MTR: variants seen among roughly 807,000 people sequenced by gnomAD.
MTR encodes 5-methyltetrahydrofolate-homocysteine methyltransferase.
MTR carries 84 observed loss-of-function variants against 154.8 expected under a neutral mutation model. The ratio of observed to expected loss-of-function variants is 0.54; its 90% CI spans 0.45 to 0.65. The LOEUF is 0.65. MTR is among the 30% of genes least tolerant of loss of function. The pLI, the probability that MTR is intolerant of heterozygous loss-of-function variation, is 0.00. For missense variants in MTR, 1,275 were observed against 1,570.2 expected (o/e 0.81, Z 3.18); for synonymous variants, 554 against 553.9 (o/e 1.00, Z 0.00).
At chr1:236,895,229 C>T (rs1329457424) in intron 30 of MTR, 129 bp from the exon 31 acceptor site, 15 of 1,048,060 alleles carry the variant, frequency 1.4e-5, no homozygotes, top group Non-Finnish European at 2.0e-5. Context: ...TTCCTCTTGT[C>T]AAATTTCCCC....
rs578204805 is a variant in MTR at position 236,820,439 on chromosome 1, T to C, written c.765-3680T>C. Reference sequence around the variant, plus strand: ...AGTTTCCAGCTGAAGACTGGAGCACTCAGCCTGCCACGGAAGACTGGTCTG... The same window carrying C: ...AGTTTCCAGCTGAAGACTGGAGCACCCAGCCTGCCACGGAAGACTGGTCTG... On this transcript the variant is annotated intron_variant, in intron 8 of 32. Transcript: ENST00000366577. 47 of 1,382,414 alleles carry C rather than the reference T, an allele frequency of 3.4e-5. 1 individual carries two copies. The South Asian group carries it at 4.9e-4, about 14-fold the overall frequency. 85.6% of individuals were successfully genotyped at this position (1,382,414 alleles called of 1,614,324 possible). A position where few individuals can be genotyped will look rare whatever the true frequency, so the allele number is the denominator to read the frequency against.
chr1:236,827,493 A>G (rs1360381367), intron 11 of MTR, among the ~76,000 whole-genome samples: 1 of 152,236 alleles, frequency 6.6e-6, no homozygotes, highest in Non-Finnish European at 1.5e-5. Context: ...TATGTAAAGT[A>G]AATCCCAGAT....
At chr1:236,873,886 C>T in intron 23 of MTR, 46 bp downstream of exon 23, 1 of 1,552,822 alleles carries the variant, frequency 6.4e-7, no homozygotes, top group Non-Finnish European at 8.9e-7. Context: ...TGTCATATCC[C>T]CAGGTGTCTG....
chr1:236,812,948 TTACC>T, intron 6 of MTR, 104 bp downstream of exon 6: 2 of 890,236 alleles, frequency 2.2e-6, no homozygotes, highest in Non-Finnish European at 3.7e-6. Flanking sequence ...GTTAAATAAA[TTACC>T]TGTATTTGCT....
chr1:236,858,939 C>A (rs1265418972), intron 18 of MTR, among the ~76,000 whole-genome samples: 2 of 152,184 alleles, frequency 1.3e-5, no homozygotes, highest in Admixed American at 1.3e-4. Flanking sequence ...CTTACGATAA[C>A]CATTCCTTCC....
chr1:236,804,841 T>C (rs1660888614), intron 2 of MTR, among the ~76,000 whole-genome samples: 1 of 152,170 alleles, frequency 6.6e-6, no homozygotes, highest in Admixed American at 6.5e-5. Flanking sequence ...TGAATATATA[T>C]ATGTAGAAAA....
Position 236,861,097 on chromosome 1 carries a change from C to CTTTTTTTTTTT in MTR, c.2044-22_2044-12dup, listed in dbSNP as rs397974349. On this transcript the variant is annotated intron_variant, in intron 19 of 32. Transcript: ENST00000366577. ...ATTTTTTTTTTCTTTCTTTCTTTTTCTTTTTTTTTTTTTTTTGTCTTTTTT... is the reference window on the plus strand; with the variant it reads ...ATTTTTTTTTTCTTTCTTTCTTTTTCTTTTTTTTTTTTTTTTTTTTTTTTTTTGTCTTTTTT... 3,532 of 1,156,908 alleles carry CTTTTTTTTTTT rather than the reference C, an allele frequency of 3.1e-3. 19 individuals carry two copies. Among genetic ancestry groups the CTTTTTTTTTTT allele is most frequent in the South Asian group, 0.011 (681 of 60,280 alleles). 71.7% of individuals were successfully genotyped at this position (1,156,908 alleles called of 1,614,324 possible).
chr1:236,826,978 C>CTGAA, intron 11 of MTR, 82 bp downstream of exon 11: 3 of 1,279,872 alleles, frequency 2.3e-6, no homozygotes, highest in Non-Finnish European at 2.3e-6. Context: ...TTGTTATGGG[C>CTGAA]TGAATTGTGT....
chr1:236,852,965 G>A lies in MTR; in HGVS notation c.1830G>A (p.Gly610=). Residue 610 remains glycine, a synonymous_variant, in exon 18 of 33, where the codon GGG becomes GGA. Coordinates refer to ENST00000366577, the MANE Select transcript of MTR (RefSeq NM_000254.3). ...GCCCTTAGTCTGGCATGGACATGGG[G>A]ATAGTGAATGCTGGAAACCTCCCTG... The part of the protein sequence containing the change: ...YHAIKSGMDM[G]IVNAGNLPVY... 1 of 1,614,004 alleles carries A rather than the reference G, an allele frequency of 6.2e-7. No homozygotes were observed. The highest frequency in any genetic ancestry group is 8.5e-7 in the Non-Finnish European group (1 of 1,179,926).
chr1:236,894,303 G>A (rs1022238191), intron 29 of MTR, 54 bp from the exon 30 acceptor site: 9 of 1,561,706 alleles, frequency 5.8e-6, no homozygotes, highest in African/African-American at 4.1e-5. Flanking sequence ...GTGTGCTGGC[G>A]CCACGTTCTT....
chr1:236,830,837 A>G (rs781250475), intron 12 of MTR, among the ~76,000 whole-genome samples: 24 of 152,172 alleles, frequency 1.6e-4, no homozygotes, highest in Non-Finnish European at 2.4e-4. Flanking sequence ...GATAATCTCT[A>G]TCAGTGCACC....
chr1:236,809,240 A>G (rs1177102855), intron 4 of MTR, among the ~76,000 whole-genome samples: 2 of 152,176 alleles, frequency 1.3e-5, no homozygotes, highest in Non-Finnish European at 2.9e-5. Flanking sequence ...TTCCCTTTAT[A>G]CTATTGATGT....
Position 236,897,754 on chromosome 1 carries a change from T to C in MTR, c.*110T>C. On this transcript the variant is annotated 3_prime_UTR_variant, in exon 33 of 33. Transcript: ENST00000366577. ...AAACCTGTGTGCATCTGGCTGACAC[T>C]TACCTGCTTCTGGTTTTCGAAGACT... 1 of 966,492 alleles carries C rather than the reference T, an allele frequency of 1.0e-6. No individual in the cohort carries two copies. Among genetic ancestry groups the C allele is most frequent in the South Asian group, 1.4e-5 (1 of 73,214 alleles). 59.9% of individuals were successfully genotyped at this position (966,492 alleles called of 1,614,324 possible). A position where few individuals can be genotyped will look rare whatever the true frequency, so the allele number is the denominator to read the frequency against.
intron 5 of MTR, among the ~76,000 whole-genome samples, chr1:236,812,074 G>A (rs1661338644): frequency 6.6e-6 from 1 of 152,194 alleles, no homozygotes; most frequent in Non-Finnish European, 1.5e-5. Context: ...GTAGAGTTGG[G>A]GTTTCACCAT....
At position 236,871,665 on chromosome 1, in the gene MTR, G is replaced by GA. The variant is rs939292256; in HGVS notation, c.2406-2099dup. ...TAGACTTTCTTCAATATGTTAAAAA[G>GA]AAAAAAAAAGCATGTGGTACCATCT... On this transcript the variant is annotated intron_variant, in intron 22 of 32. Coordinates refer to ENST00000366577, the MANE Select transcript of MTR (RefSeq NM_000254.3). Among the ~76,000 whole-genome samples, 6 of 150,404 alleles carry GA rather than the reference G, an allele frequency of 4.0e-5. No homozygotes were observed. The South Asian group carries it at 1.1e-3, about 26-fold the overall frequency.
rs753262198 is a variant in MTR, at chr1:236,891,156, G to T, written c.3031G>T (p.Asp1011Tyr). Residue 1011 changes from aspartate (D) to tyrosine (Y), a missense_variant, in exon 29 of 33, where the codon GAT becomes TAT. Asp to Tyr is a radical substitution (Grantham distance 160). Transcript: ENST00000366577. ...TVGGEARKVY[D>Y]DAHNMLNTLI... Reference sequence around the variant, plus strand: ...AGGTGGAGAGGCCAGGAAGGTCTACGATGATGCCCACAATATGCTGAACAC... The same window carrying T: ...AGGTGGAGAGGCCAGGAAGGTCTACTATGATGCCCACAATATGCTGAACAC... The T allele has an allele frequency of 6.2e-7, 1 of 1,614,160 alleles. No homozygotes were observed. The highest frequency in any genetic ancestry group is 1.1e-5 in the South Asian group (1 of 91,074).
chr1:236,889,036 G>A, intron 27 of MTR, 145 bp from the exon 28 acceptor site: 1 of 963,096 alleles, frequency 1.0e-6, no homozygotes, highest in Non-Finnish European at 1.7e-6. Context: ...ATAATTTAAA[G>A]TTCCCCTCTT....
intron 4 of MTR, among the ~76,000 whole-genome samples, chr1:236,809,928 A>G (rs1285455732): frequency 6.6e-6 from 1 of 152,220 alleles, no homozygotes. Context: ...TTCAGGCTTT[A>G]TAATTGTTAA....
intron 1 of MTR, among the ~76,000 whole-genome samples, chr1:236,799,739 G>A (rs1335576588): frequency 6.6e-6 from 1 of 151,270 alleles, no homozygotes; most frequent in Non-Finnish European, 1.5e-5. Context: ...TTTGTCTATG[G>A]TGACTTTCGT....
Sources: allele counts gnomAD v4.1 joint callset (sites outside exome capture counted in the v4.1 genomes callset), GRCh38; gene constraint gnomAD v4.1.1; transcripts MANE v1.5; gene names NCBI Gene and HGNC (gene_info 2026-07-23, HGNC 2026-07-21).